The following KLF12 variants were observed in gnomAD, a reference collection of about 807,000 sequenced individuals.
The protein encoded by KLF12 is Krueppel-like factor 12.
Under a neutral mutation model 37.8 loss-of-function variants are expected in KLF12, and 9 were observed. That is an observed-to-expected ratio of 0.24 (90% confidence interval 0.14 to 0.42). The LOEUF (loss-of-function observed/expected upper bound fraction) is 0.42. Ranked by LOEUF, KLF12 falls within the 10% of genes least tolerant of loss-of-function variation. KLF12 has a pLI of 1.00. For missense variants in KLF12, 411 were observed against 516.0 expected (o/e 0.80, Z 1.97); for synonymous variants, 208 against 202.1 (o/e 1.03, Z -0.25).
the KLF12 span, among the ~76,000 whole-genome samples, chr13:74,201,372 T>C: frequency 1.3e-5 from 2 of 151,706 alleles, no homozygotes; most frequent in Non-Finnish European, 2.9e-5. Context: ...GTAGGTAAAA[T>C]CCTTTTCCTT....
the KLF12 span, among the ~76,000 whole-genome samples, chr13:74,186,133 G>GA: frequency 6.6e-6 from 1 of 151,836 alleles, no homozygotes; most frequent in Non-Finnish European, 1.5e-5. Context: ...GGCTCTTCCA[G>GA]AAAAAAACAC....
chr13:73,801,144 G>A (rs186500718), intron 5 of KLF12: 1 of 152,200 alleles, frequency 6.6e-6, no homozygotes, highest in East Asian at 1.9e-4. Context: ...TACAGCAGCA[G>A]GCTATTCCTG....
chr13:73,879,253 G>A (rs796135468), intron 3 of KLF12, among the ~76,000 whole-genome samples: 7 of 152,212 alleles, frequency 4.6e-5, no homozygotes, highest in African/African-American at 1.4e-4. Context: ...CCAAAGTGCC[G>A]GTTCTTCTTT....
At chr13:73,962,776 C>A in intron 2 of KLF12, among the ~76,000 whole-genome samples, 1 of 152,188 alleles carries the variant, frequency 6.6e-6, no homozygotes, top group Non-Finnish European at 1.5e-5. Context: ...ATGGACAATT[C>A]GATAATGCAT....
At chr13:73,937,516 T>A (rs148396738) in intron 3 of KLF12, among the ~76,000 whole-genome samples, 8 of 152,228 alleles carry the variant, frequency 5.3e-5, no homozygotes, top group Admixed American at 2.0e-4. Flanking sequence ...GCACTTTACA[T>A]TCTCTTCAAC....
the KLF12 span, among the ~76,000 whole-genome samples, chr13:74,291,508 G>T: frequency 6.6e-6 from 1 of 152,186 alleles, no homozygotes; most frequent in East Asian, 1.9e-4. Flanking sequence ...AACAAGGTCA[G>T]TCTGTTCATT....
At chr13:73,995,771 T>C (rs1255136189) in intron 1 of KLF12, among the ~76,000 whole-genome samples, 1 of 152,234 alleles carries the variant, frequency 6.6e-6, no homozygotes, top group African/African-American at 2.4e-5. Flanking sequence ...TAATAGACCA[T>C]TTGCCCTATT....
the KLF12 span, among the ~76,000 whole-genome samples, chr13:74,284,363 G>T: frequency 1.3e-5 from 2 of 152,172 alleles, no homozygotes; most frequent in Non-Finnish European, 2.9e-5. Flanking sequence ...AAGTCTTGAA[G>T]GGGGACGTGA....
At chr13:74,278,922 C>T in the KLF12 span, among the ~76,000 whole-genome samples, 12 of 152,144 alleles carry the variant, frequency 7.9e-5, no homozygotes, top group Admixed American at 6.6e-4. Flanking sequence ...TCCTCTTATT[C>T]AATAAGAAGA....
intron 6 of KLF12, among the ~76,000 whole-genome samples, chr13:73,734,783 T>C (rs1877328645): frequency 6.6e-6 from 1 of 152,170 alleles, no homozygotes; most frequent in Non-Finnish European, 1.5e-5. Context: ...CACAAAATTA[T>C]ATCGAGTGTT....
At chr13:74,084,964 T>C (rs1379384226) in intron 1 of KLF12, among the ~76,000 whole-genome samples, 2 of 152,164 alleles carry the variant, frequency 1.3e-5, no homozygotes, top group African/African-American at 4.8e-5. Context: ...AGAAATGCTA[T>C]ATATTATGCT....
At chr13:73,890,277 A>AT in intron 3 of KLF12, among the ~76,000 whole-genome samples, 1 of 152,236 alleles carries the variant, frequency 6.6e-6, no homozygotes, top group Middle Eastern at 3.4e-3. Context: ...ATTACCAAAA[A>AT]TACCTCTTTC....
chr13:74,235,808 A>G, the KLF12 span, among the ~76,000 whole-genome samples: 1 of 152,156 alleles, frequency 6.6e-6, no homozygotes, highest in East Asian at 1.9e-4. Flanking sequence ...TTAAATTAAA[A>G]TTCATAATAA....
At chr13:74,305,698 T>G in the KLF12 span, among the ~76,000 whole-genome samples, 2 of 152,106 alleles carry the variant, frequency 1.3e-5, no homozygotes. Context: ...AAAACTTGTT[T>G]GTCAAATGAC....
chr13:74,172,309 A>G, the KLF12 span, among the ~76,000 whole-genome samples: 29,283 of 151,382 alleles, frequency 0.19, 4,236 homozygotes, highest in African/African-American at 0.41. Flanking sequence ...TATGGATTGA[A>G]TAGCACAAAA....
intron 5 of KLF12, among the ~76,000 whole-genome samples, chr13:73,781,497 T>C (rs561728590): frequency 6.6e-6 from 1 of 152,374 alleles, no homozygotes; most frequent in South Asian, 2.1e-4. Context: ...TATATTTAAA[T>C]CTACCAATCT....
At chr13:74,093,873 G>C (rs1239544703) in intron 1 of KLF12, among the ~76,000 whole-genome samples, 1 of 151,676 alleles carries the variant, frequency 6.6e-6, no homozygotes, top group East Asian at 1.9e-4. Context: ...ACTTCAACAT[G>C]TTACTCACCA....
chr13:74,019,990 G>C (rs904762614), intron 1 of KLF12, among the ~76,000 whole-genome samples: 2 of 152,312 alleles, frequency 1.3e-5, no homozygotes, highest in South Asian at 2.1e-4. Flanking sequence ...ATGGCCTGTG[G>C]CCATGTCTTA....
At chr13:73,968,015 C>T (rs1891220895) in intron 2 of KLF12, among the ~76,000 whole-genome samples, 1 of 152,182 alleles carries the variant, frequency 6.6e-6, no homozygotes, top group Non-Finnish European at 1.5e-5. Context: ...TTTATAGATG[C>T]TCCTTCTGCC....
Sources: gnomAD v4.1 joint callset for allele counts (sites outside exome capture counted in the v4.1 genomes callset) on GRCh38, gnomAD v4.1.1 for gene constraint, MANE v1.5 for transcripts, NCBI Gene and HGNC (gene_info 2026-07-23, HGNC 2026-07-21) for gene names.